Variants in PDE6G observed in about 807,000 individuals in gnomAD.
PDE6G encodes phosphodiesterase 6G.
In PDE6G, 10 loss-of-function variants were observed where a neutral mutation model predicts 10.9. That is an observed-to-expected ratio of 0.91 (90% confidence interval 0.56 to 1.55). The LOEUF is 1.55. Among genes scored for constraint, PDE6G ranks in the 40% most tolerant of loss-of-function variants. The probability of loss-of-function intolerance (pLI) is 0.00; values close to 1 mark genes in which losing one functional copy is unlikely to be tolerated. For synonymous variants in PDE6G, 41 were observed against 42.8 expected, an observed-to-expected ratio of 0.96 and a Z score of 0.16; for missense variants, 102 against 110.1, an observed-to-expected ratio of 0.93 and a Z score of 0.33.
chr17:81,651,582 G>C lies in PDE6G; in HGVS notation c.187+63C>G. On this transcript the variant is annotated intron_variant, in intron 3 of 3. Transcript: ENST00000331056. The surrounding 1 kb of genome is among the most constrained non-coding windows in gnomAD (Gnocchi z 4.8). Reference sequence around the variant, plus strand: ...CGAGGTGGGCTGCAATGGGCCCCGGGCGTGCTGGGTGTGCCTGGGGGGACC... The same window carrying C: ...CGAGGTGGGCTGCAATGGGCCCCGGCCGTGCTGGGTGTGCCTGGGGGGACC... 1 of 1,520,512 alleles carries C rather than the reference G, an allele frequency of 6.6e-7. No homozygotes were observed. Among genetic ancestry groups the C allele is most frequent in the South Asian group, 1.1e-5 (1 of 89,162 alleles). 94.2% of individuals were successfully genotyped at this position (1,520,512 alleles called of 1,614,324 possible).
chr17:81,658,275 A>G (rs968248037), upstream of PDE6G, among the ~76,000 whole-genome samples: 12 of 151,772 alleles, frequency 7.9e-5, no homozygotes, highest in African/African-American at 1.9e-4. Flanking sequence ...TAGTAGAGAC[A>G]GGGTTTCACC....
chr17:81,653,384 G>A lies in PDE6G; in HGVS notation c.-59-20C>T, dbSNP rs561844740. The A allele has an allele frequency of 1.3e-5, 20 of 1,543,530 alleles. No homozygotes were observed. In the African/African-American group the frequency reaches 1.4e-4, roughly 10 times the overall value. ...TGCGGTCTGGGGGCAGACCAGGCCC[G>A]GGTCCCAGTCAGCCCTCCTGCTTCC... On this transcript the variant is annotated intron_variant, in intron 1 of 3. Transcript: ENST00000331056. The surrounding 1 kb of genome is among the most constrained non-coding windows in gnomAD (Gnocchi z 5.2).
Position 81,653,607 on chromosome 17 carries a change from A to C in PDE6G, c.-59-243T>G. 6 of 440,908 alleles carry C rather than the reference A, an allele frequency of 1.4e-5. No individual in the cohort carries two copies. Among genetic ancestry groups the C allele is most frequent in the South Asian group, 4.5e-5 (2 of 44,324 alleles). The allele number at this position is 440,908 out of a possible 1,614,324, so 27.3% of individuals were successfully genotyped here. On this transcript the variant is annotated intron_variant, in intron 1 of 3. Transcript: ENST00000331056. This position sits in a 1 kb window ranked among gnomAD's most constrained non-coding sequence, Gnocchi z 5.2. ...CAACGCTGGCCACACACAGCTCCGGACTCCCCCCTGTCCTGGCCTCCCTCG... is the reference window on the plus strand; with the variant it reads ...CAACGCTGGCCACACACAGCTCCGGCCTCCCCCCTGTCCTGGCCTCCCTCG...
In PDE6G at chr17:81,656,538, C is replaced by T. The variant is rs767229051; in HGVS notation, c.-105G>A. 1.2e-5 allele frequency: 9 copies of T among 763,500 alleles called. No individual in the cohort carries two copies. Among genetic ancestry groups the T allele is most frequent in the Non-Finnish European group, 2.2e-5 (9 of 417,352 alleles). 47.3% of individuals were successfully genotyped at this position (763,500 alleles called of 1,614,324 possible). On this transcript the variant is annotated 5_prime_UTR_variant, in exon 1 of 4. Coordinates refer to ENST00000331056, the MANE Select transcript of PDE6G (RefSeq NM_002602.4). ...GGGGGCTGTGCTGTGAGTGCTGGGCCTCCCTCCGCAGGGTGCCAGCCCCGG... is the reference window on the plus strand; with the variant it reads ...GGGGGCTGTGCTGTGAGTGCTGGGCTTCCCTCCGCAGGGTGCCAGCCCCGG...
Position 81,653,543 on chromosome 17 carries a change from G to T in PDE6G, c.-59-179C>A, listed in dbSNP as rs34483867. 8.1e-3 allele frequency: 4,650 copies of T among 571,478 alleles called. 171 individuals are homozygous for T. The highest frequency in any genetic ancestry group is 0.077 in the African/African-American group (4,081 of 53,320). The allele number at this position is 571,478 out of a possible 1,614,324, so 35.4% of individuals were successfully genotyped here. A position where few individuals can be genotyped will look rare whatever the true frequency, so the allele number is the denominator to read the frequency against. ...CTGCCAGCTTTGCTTGGGTCCACCC[G>T]CACGCTCCCATTCCCCTTGCCTAGT... is the stretch of plus-strand genomic sequence containing the variant. On this transcript the variant is annotated intron_variant, in intron 1 of 3. Transcript: ENST00000331056. This position sits in a 1 kb window ranked among gnomAD's most constrained non-coding sequence, Gnocchi z 5.2.
intron 1 of PDE6G, among the ~76,000 whole-genome samples, chr17:81,662,117 C>T (rs1188395508): frequency 6.6e-6 from 1 of 152,044 alleles, no homozygotes; most frequent in Non-Finnish European, 1.5e-5. Context: ...AACCAATGTA[C>T]ATATGATAGG....
chr17:81,662,253 C>G (rs955178070), intron 1 of PDE6G, among the ~76,000 whole-genome samples: 2 of 152,116 alleles, frequency 1.3e-5, no homozygotes, highest in Non-Finnish European at 2.9e-5. Context: ...AATAACCTTT[C>G]CAAACTTATT....
upstream of PDE6G, among the ~76,000 whole-genome samples, chr17:81,659,904 T>G (rs567751553): frequency 3.9e-5 from 6 of 151,982 alleles, no homozygotes; most frequent in Non-Finnish European, 2.9e-5. Context: ...CTGACCAACA[T>G]GGAGAAGACC....
chr17:81,656,663 A>ATGGAGAGGAGGGGCTCAGG, upstream of PDE6G: 1 of 703,608 alleles, frequency 1.4e-6, no homozygotes, highest in Non-Finnish European at 2.6e-6. Context: ...GGTTCAGGGG[A>ATGGAGAGGAGGGGCTCAGG]TGGAGAGGAG....
upstream of PDE6G, among the ~76,000 whole-genome samples, chr17:81,659,660 G>A (rs557888967): frequency 1.1e-4 from 16 of 152,184 alleles, no homozygotes; most frequent in Admixed American, 3.3e-4. Flanking sequence ...TTAAATTGTC[G>A]TTCACCACAT....
chr17:81,660,111 G>A (rs1473231049), upstream of PDE6G, among the ~76,000 whole-genome samples: 1 of 149,052 alleles, frequency 6.7e-6, no homozygotes, highest in East Asian at 1.9e-4. Flanking sequence ...AAAAAGAAAA[G>A]AAACAAAATG....
At chr17:81,657,577 A>G (rs1005543723), upstream of PDE6G, among the ~76,000 whole-genome samples, 1 of 152,108 alleles carries the variant, frequency 6.6e-6, no homozygotes, top group African/African-American at 2.4e-5. Flanking sequence ...CTGCCTCTGC[A>G]CCTTTAAAAA....
At chr17:81,656,575 C>T (rs1369027268), upstream of PDE6G, 2 of 758,710 alleles carry the variant, frequency 2.6e-6, no homozygotes, top group Non-Finnish European at 4.8e-6. Context: ...CTTTATCTCG[C>T]TGCTTCATGA....
At chr17:81,655,471 G>A (rs767246253) in intron 1 of PDE6G, among the ~76,000 whole-genome samples, 1 of 152,240 alleles carries the variant, frequency 6.6e-6, no homozygotes, top group Non-Finnish European at 1.5e-5. Flanking sequence ...GGCCTCGGCC[G>A]CTCTGGACGA....
intron 2 of PDE6G, among the ~76,000 whole-genome samples, chr17:81,652,798 TCGCG>T (rs2036381949): frequency 6.8e-6 from 1 of 147,610 alleles, no homozygotes; most frequent in African/African-American, 2.5e-5. Flanking sequence ...GGTCTCAAAC[TCGCG>T]ATCCTAGGGG....
At position 81,651,595 on chromosome 17, in the gene PDE6G, G is replaced by GCCTGGGGGGA. The variant is rs772282729; in HGVS notation, c.187+40_187+49dup. 1.3e-6 allele frequency: 2 copies of GCCTGGGGGGA among 1,589,102 alleles called. No individual in the cohort carries two copies. Among genetic ancestry groups the GCCTGGGGGGA allele is most frequent in the South Asian group, 2.2e-5 (2 of 90,578 alleles). On this transcript the variant is annotated intron_variant, in intron 3 of 3. Transcript: ENST00000331056. The surrounding 1 kb of genome is among the most constrained non-coding windows in gnomAD (Gnocchi z 4.8). ...AATGGGCCCCGGGCGTGCTGGGTGT[G>GCCTGGGGGGA]CCTGGGGGGACCTGGGCAGACCTCG...
chr17:81,653,183 C>A lies in PDE6G; in HGVS notation c.123G>T (p.Lys41Asn), dbSNP rs751889045. ...ACCCTTGAACGCCTTTCTTTGGGGG[C>A]TTGCTCTTGAACTGCCTGGTCTGTC... ...KQRQTRQFKS[K>N]PPKKGVQGFG... Residue 41 changes from lysine to asparagine, a missense_variant, in exon 2 of 4, where the codon AAG becomes AAT. Transcript: ENST00000331056. The surrounding 1 kb of genome is among the most constrained non-coding windows in gnomAD (Gnocchi z 5.2). 18 of 1,613,994 alleles carry A rather than the reference C, an allele frequency of 1.1e-5. No homozygotes were observed. Among genetic ancestry groups the A allele is most frequent in the Non-Finnish European group, 1.3e-5 (15 of 1,180,022 alleles).
At chr17:81,652,499 G>T (rs912640195) in intron 2 of PDE6G, among the ~76,000 whole-genome samples, 37 of 151,712 alleles carry the variant, frequency 2.4e-4, no homozygotes, top group African/African-American at 8.0e-4. Flanking sequence ...GAATGGTCTC[G>T]ATCTCCTGAC....
At position 81,653,971 on chromosome 17, in the gene PDE6G, C is replaced by A. The variant is rs1415977810; in HGVS notation, c.-59-607G>T. Reference sequence around the variant, plus strand: ...GATTACCGGCGTCTGCCACCATGCCCGGCTAATCTTTGCATTTTTGCATTT... The same window carrying A: ...GATTACCGGCGTCTGCCACCATGCCAGGCTAATCTTTGCATTTTTGCATTT... On this transcript the variant is annotated intron_variant, in intron 1 of 3. Coordinates refer to ENST00000331056, the MANE Select transcript of PDE6G (RefSeq NM_002602.4). The surrounding 1 kb of genome is among the most constrained non-coding windows in gnomAD (Gnocchi z 5.2). Among the ~76,000 whole-genome samples the A allele has an allele frequency of 6.6e-6, 1 of 152,104 alleles. No homozygotes were observed. Among genetic ancestry groups the A allele is most frequent in the African/African-American group, 2.4e-5 (1 of 41,436 alleles).
Sources: gnomAD v4.1 joint callset for allele counts (sites outside exome capture counted in the v4.1 genomes callset) on GRCh38, gnomAD v4.1.1 for gene constraint, Gnocchi (gnomAD v3.1) non-coding constraint, MANE v1.5 for transcripts, NCBI Gene and HGNC (gene_info 2026-07-23, HGNC 2026-07-21) for gene names.